The following SMAD4 variants were observed in gnomAD, a reference collection of about 807,000 sequenced individuals.
SMAD4 encodes MAD homolog 4.
SMAD4 carries 7 observed loss-of-function variants against 63.2 expected under a neutral mutation model. That is an observed-to-expected ratio of 0.11 (90% CI 0.06 to 0.21). The LOEUF (loss-of-function observed/expected upper bound fraction) is 0.21, where lower values mean the gene tolerates loss of function less well. SMAD4 is among the 10% of genes least tolerant of loss of function. The pLI, the probability that SMAD4 is intolerant of heterozygous loss-of-function variation, is 1.00. For missense variants in SMAD4, 312 were observed against 693.8 expected (o/e 0.45, Z 6.18); for synonymous variants, 215 against 235.4 (o/e 0.91, Z 0.79).
intron 10 of SMAD4, among the ~76,000 whole-genome samples, chr18:51,071,433 A>G (rs1395000498): frequency 1.3e-5 from 2 of 152,162 alleles, no homozygotes; most frequent in African/African-American, 2.4e-5. Flanking sequence ...CTCTCATGAC[A>G]TAGTAGTCAT....
intron 1 of SMAD4, among the ~76,000 whole-genome samples, chr18:51,037,703 TGCA>T (rs1909245576): frequency 6.6e-6 from 1 of 152,244 alleles, no homozygotes; most frequent in South Asian, 2.1e-4. Context: ...GTTATTGAGC[TGCA>T]AGCTGAACTA....
chr18:51,034,797 C>T (rs545705980), intron 1 of SMAD4, among the ~76,000 whole-genome samples: 9 of 152,220 alleles, frequency 5.9e-5, no homozygotes, highest in East Asian at 3.9e-4. Context: ...CGTCCCACCT[C>T]GACCTCCCAA....
In SMAD4 at chr18:51,081,399, A is replaced by C. The variant is rs1430674981; in HGVS notation, c.*2932A>C. ...TATTTTCCGGGGAGTAGATCGTGGG[A>C]TATAGTCTATCTCATTTTTAATAGT... On this transcript the variant is annotated 3_prime_UTR_variant, in exon 12 of 12. Coordinates refer to ENST00000342988, the MANE Select transcript of SMAD4 (RefSeq NM_005359.6). 4.3e-6 allele frequency: 1 copy of C among 230,124 alleles called. No individual in the cohort carries two copies. The highest frequency in any genetic ancestry group is 2.2e-5 in the African/African-American group (1 of 45,100). The allele number at this position is 230,124 out of a possible 1,614,324, so 14.3% of individuals were successfully genotyped here. A position where few individuals can be genotyped will look rare whatever the true frequency, so the allele number is the denominator to read the frequency against.
rs2144452352 is a variant in SMAD4, at chr18:51,067,106, A to G, written c.1227A>G (p.Val409=). ...VRCLSDHAVF[V]QSYYLDREAG... Reference sequence around the variant, plus strand: ...GCCTTAGTGACCACGCGGTCTTTGTACAGAGTTACTACTTAGACAGAGAAG... The same window carrying G: ...GCCTTAGTGACCACGCGGTCTTTGTGCAGAGTTACTACTTAGACAGAGAAG... Residue 409 remains valine, a synonymous_variant, in exon 10 of 12, where the codon GTA becomes GTG. Transcript: ENST00000342988. 1 of 1,611,920 alleles carries G rather than the reference A, an allele frequency of 6.2e-7. No individual in the cohort carries two copies. The highest frequency in any genetic ancestry group is 1.3e-5 in the African/African-American group (1 of 75,004).
chr18:51,076,016 A>T (rs574074243), intron 10 of SMAD4, among the ~76,000 whole-genome samples: 14 of 152,326 alleles, frequency 9.2e-5, no homozygotes, highest in African/African-American at 3.1e-4. Context: ...AGAGAAACTA[A>T]TGAAGTCCCA....
At chr18:51,050,028 G>A (rs187397272) in intron 4 of SMAD4, among the ~76,000 whole-genome samples, 1 of 152,132 alleles carries the variant, frequency 6.6e-6, no homozygotes, top group East Asian at 1.9e-4. Context: ...TAAAATTTCT[G>A]TAAGAACTAA....
rs1013229080 is a variant in SMAD4, at chr18:51,084,097, C to T, written c.*5630C>T. The T allele has an allele frequency of 7.9e-5, 17 of 214,218 alleles. No individual in the cohort carries two copies. Among genetic ancestry groups the T allele is most frequent in the African/African-American group, 4.8e-4 (17 of 35,102 alleles). 13.3% of individuals were successfully genotyped at this position (214,218 alleles called of 1,614,324 possible). On this transcript the variant is annotated 3_prime_UTR_variant, in exon 12 of 12. Coordinates refer to ENST00000342988, the MANE Select transcript of SMAD4 (RefSeq NM_005359.6). ...GACATTCTAGCTTTTGAATTGCGTG[C>T]ACACACACACGCACGCACACACTCT...
intron 1 of SMAD4, among the ~76,000 whole-genome samples, chr18:51,043,550 GTAT>G (rs1173298945): frequency 6.6e-6 from 1 of 152,232 alleles, no homozygotes; most frequent in Middle Eastern, 3.4e-3. Flanking sequence ...ATTCCTGCTA[GTAT>G]TATTTTTTAT....
At chr18:51,033,774 AT>A (rs1909120074) in intron 1 of SMAD4, among the ~76,000 whole-genome samples, 1 of 152,188 alleles carries the variant, frequency 6.6e-6, no homozygotes, top group Non-Finnish European at 1.5e-5. Flanking sequence ...GGAACAAGGT[AT>A]TTTAGGTTGT....
intron 1 of SMAD4, among the ~76,000 whole-genome samples, chr18:51,037,115 CAG>C (rs1156684635): frequency 6.6e-6 from 1 of 152,158 alleles, no homozygotes; most frequent in South Asian, 2.1e-4. Flanking sequence ...GCCTGGGAGA[CAG>C]AGGTTGCAGT....
intron 1 of SMAD4, among the ~76,000 whole-genome samples, chr18:51,037,158 T>C (rs1909231772): frequency 6.6e-6 from 1 of 152,174 alleles, no homozygotes; most frequent in African/African-American, 2.4e-5. Flanking sequence ...CACTCCAGCC[T>C]AGCTGACAGA....
At chr18:51,038,255 G>GA (rs1205300349) in intron 1 of SMAD4, among the ~76,000 whole-genome samples, 2 of 150,578 alleles carry the variant, frequency 1.3e-5, no homozygotes, top group Admixed American at 6.6e-5. Context: ...AGACTGTGGG[G>GA]GGGGGGGCAG....
At chr18:51,074,259 T>G (rs1350678100) in intron 10 of SMAD4, among the ~76,000 whole-genome samples, 1 of 150,698 alleles carries the variant, frequency 6.6e-6, no homozygotes. Flanking sequence ...CATGTGCCTG[T>G]AGTCCTGGCT....
intron 10 of SMAD4, among the ~76,000 whole-genome samples, chr18:51,072,801 A>G (rs969700133): frequency 1.1e-4 from 17 of 152,204 alleles, no homozygotes; most frequent in Non-Finnish European, 1.5e-5. Flanking sequence ...GATCTGAGCC[A>G]AAAAGAATAT....
intron 1 of SMAD4, among the ~76,000 whole-genome samples, chr18:51,039,137 G>A (rs1197994998): frequency 1.3e-5 from 2 of 152,194 alleles, no homozygotes; most frequent in Non-Finnish European, 2.9e-5. Flanking sequence ...GGGATCCTGA[G>A]ATCAGAGAGT....
At chr18:51,064,494 C>T (rs948948033) in intron 8 of SMAD4, among the ~76,000 whole-genome samples, 3 of 152,108 alleles carry the variant, frequency 2.0e-5, no homozygotes, top group African/African-American at 4.8e-5. Context: ...GTATGCAGTG[C>T]CTAGAAAGAT....
At chr18:51,051,893 G>A (rs1215153221) in intron 4 of SMAD4, among the ~76,000 whole-genome samples, 1 of 151,678 alleles carries the variant, frequency 6.6e-6, no homozygotes, top group Non-Finnish European at 1.5e-5. Flanking sequence ...TGCAACCTCC[G>A]CCTCCCGAGT....
Position 51,078,765 on chromosome 18 carries a change from T to A in SMAD4, c.*298T>A. 2.6e-6 allele frequency: 1 copy of A among 387,948 alleles called. No individual in the cohort carries two copies. The highest frequency in any genetic ancestry group is 4.7e-6 in the Non-Finnish European group (1 of 213,678). The allele number at this position is 387,948 out of a possible 1,614,324, so 24.0% of individuals were successfully genotyped here. ...ATTCCAGTGCTAGAAAATTTAGCCCTTTAAAACGTCTTAGAGCCTTTTATC... is the reference window on the plus strand; with the variant it reads ...ATTCCAGTGCTAGAAAATTTAGCCCATTAAAACGTCTTAGAGCCTTTTATC... On this transcript the variant is annotated 3_prime_UTR_variant, in exon 12 of 12. Coordinates refer to ENST00000342988, the MANE Select transcript of SMAD4 (RefSeq NM_005359.6).
chr18:51,042,680 G>A (rs994324336), intron 1 of SMAD4, among the ~76,000 whole-genome samples: 2 of 151,928 alleles, frequency 1.3e-5, no homozygotes, highest in Non-Finnish European at 2.9e-5. Context: ...ACAGGCATGA[G>A]CCACTGTACC....
Sources: gnomAD v4.1 joint callset for allele counts (sites outside exome capture counted in the v4.1 genomes callset) on GRCh38, gnomAD v4.1.1 for gene constraint, MANE v1.5 for transcripts, NCBI Gene and HGNC (gene_info 2026-07-23, HGNC 2026-07-21) for gene names.